The following PIP5K1B variants were observed in gnomAD, a reference collection of about 807,000 sequenced individuals.
PIP5K1B encodes phosphatidylinositol 4-phosphate 5-kinase type-1 beta.
PIP5K1B carries 42 observed loss-of-function variants against 67.0 expected under a neutral mutation model. The ratio of observed to expected loss-of-function variants is 0.63; its 90% CI spans 0.49 to 0.81. The LOEUF (loss-of-function observed/expected upper bound fraction) is 0.81. Ranked by LOEUF, PIP5K1B falls within the 30% of genes least tolerant of loss-of-function variation. The pLI, the probability that PIP5K1B is intolerant of heterozygous loss-of-function variation, is 0.00. For missense variants in PIP5K1B, 459 were observed against 646.3 expected (o/e 0.71, Z 3.14); for synonymous variants, 214 against 231.4 (o/e 0.92, Z 0.68).
At chr9:68,770,612 G>A (rs1212241316) in intron 2 of PIP5K1B, among the ~76,000 whole-genome samples, 3 of 152,144 alleles carry the variant, frequency 2.0e-5, no homozygotes, top group Non-Finnish European at 4.4e-5. Flanking sequence ...CCTGAGCCCC[G>A]CCTCCTGTTG....
intron 2 of PIP5K1B, among the ~76,000 whole-genome samples, chr9:68,748,678 A>G (rs1039863067): frequency 3.6e-5 from 5 of 138,566 alleles, no homozygotes; most frequent in Admixed American, 8.0e-5. Context: ...CTGGACTGCA[A>G]TGGCACCATC....
In PIP5K1B at chr9:68,780,389, C is replaced by G. The variant is rs35278692; in HGVS notation, c.-86+37732C>G. ...GCCGCCACGGCCTGCTGCTGCCGGC[C>G]TCCCCTGTCCGCATGCACAGCAGCC... On this transcript the variant is annotated intron_variant, in intron 2 of 15. Coordinates refer to ENST00000265382, the MANE Select transcript of PIP5K1B (RefSeq NM_003558.4). 3,537 of 1,613,704 alleles carry G rather than the reference C, an allele frequency of 2.2e-3. 73 individuals carry two copies. The African/African-American group carries it at 0.042, about 19-fold the overall frequency.
At chr9:68,839,132 G>A (rs972160927) in intron 4 of PIP5K1B, among the ~76,000 whole-genome samples, 3 of 152,148 alleles carry the variant, frequency 2.0e-5, no homozygotes, top group African/African-American at 7.2e-5. Context: ...TTGGCAGAGG[G>A]GAAAAAGCTT....
chr9:68,795,125 C>T (rs895138211), intron 2 of PIP5K1B, among the ~76,000 whole-genome samples: 1 of 152,192 alleles, frequency 6.6e-6, no homozygotes, highest in Admixed American at 6.5e-5. Flanking sequence ...TACCTTCTGC[C>T]TGTACTCCTT....
intron 12 of PIP5K1B, among the ~76,000 whole-genome samples, chr9:68,926,580 T>C (rs575956738): frequency 1.5e-3 from 235 of 152,276 alleles, no homozygotes; most frequent in Non-Finnish European, 2.2e-3. Context: ...TTTATTTATT[T>C]ATTTATTTTG....
intron 15 of PIP5K1B, among the ~76,000 whole-genome samples, chr9:68,997,155 G>A (rs1343385408): frequency 1.3e-5 from 2 of 152,174 alleles, no homozygotes; most frequent in Non-Finnish European, 2.9e-5. Flanking sequence ...GCAGAGAAGT[G>A]AAAATGATTG....
At chr9:68,875,286 G>A (rs1823824855) in intron 5 of PIP5K1B, among the ~76,000 whole-genome samples, 1 of 91,234 alleles carries the variant, frequency 1.1e-5, no homozygotes, top group Non-Finnish European at 1.9e-5. Context: ...TCCATCCTCT[G>A]GTACTCAGCA....
intron 4 of PIP5K1B, among the ~76,000 whole-genome samples, chr9:68,860,260 A>G (rs1445690247): frequency 6.6e-6 from 1 of 151,640 alleles, no homozygotes; most frequent in Non-Finnish European, 1.5e-5. Context: ...TTTAGATTCC[A>G]TATATAAGAT....
chr9:68,819,022 G>A, intron 3 of PIP5K1B, among the ~76,000 whole-genome samples: 1 of 151,922 alleles, frequency 6.6e-6, no homozygotes, highest in East Asian at 1.9e-4. Context: ...ATGTCTCGCT[G>A]TGTCTTTCAG....
intron 8 of PIP5K1B, among the ~76,000 whole-genome samples, chr9:68,914,707 TC>T (rs1826015353): frequency 6.6e-6 from 1 of 150,940 alleles, no homozygotes; most frequent in Admixed American, 6.6e-5. Context: ...AGAGCAAGAC[TC>T]CATCTCAATA....
chr9:68,781,107 T>C, intron 2 of PIP5K1B: 1 of 1,499,486 alleles, frequency 6.7e-7, no homozygotes, highest in Admixed American at 2.2e-5. Flanking sequence ...CTTTGTCAAT[T>C]AATTTGAGGC....
chr9:68,888,945 G>A (rs759456209), intron 6 of PIP5K1B, 36 bp from the exon 7 acceptor site: 1 of 1,447,316 alleles, frequency 6.9e-7, no homozygotes, highest in Admixed American at 1.7e-5. Flanking sequence ...CGTACATCAA[G>A]TATATGTTTT....
At chr9:68,847,124 A>C (rs1157035115) in intron 4 of PIP5K1B, among the ~76,000 whole-genome samples, 1 of 152,166 alleles carries the variant, frequency 6.6e-6, no homozygotes, top group African/African-American at 2.4e-5. Context: ...AATTAACTGC[A>C]GAATAGTGAC....
At chr9:68,935,238 G>A (rs1434384687) in intron 13 of PIP5K1B, among the ~76,000 whole-genome samples, 193 bp downstream of exon 13, 1 of 152,190 alleles carries the variant, frequency 6.6e-6, no homozygotes, top group East Asian at 1.9e-4. Context: ...AGGCCTAGGT[G>A]GGTGGATCAC....
intron 1 of PIP5K1B, chr9:68,742,190 T>C (rs1000539944): frequency 2.0e-5 from 3 of 152,198 alleles, no homozygotes; most frequent in African/African-American, 7.2e-5. Context: ...TCACTAGATG[T>C]ACTATAAGGT....
intron 2 of PIP5K1B, chr9:68,784,330 T>C (rs1350355959): frequency 1.2e-5 from 2 of 167,070 alleles, no homozygotes; most frequent in Non-Finnish European, 2.9e-5. Flanking sequence ...TAAAGTACAG[T>C]TTGTCATACT....
Position 68,742,633 on chromosome 9 carries a change from G to C in PIP5K1B, c.-110G>C, listed in dbSNP as rs1829068760. ...TTTCTCTTCCTGCTTCATCTCTAAAGGTCCTTCTAGGAGAGAGGTGAAAGG... is the reference window on the plus strand; with the variant it reads ...TTTCTCTTCCTGCTTCATCTCTAAACGTCCTTCTAGGAGAGAGGTGAAAGG... On this transcript the variant is annotated 5_prime_UTR_variant, in exon 2 of 16. Transcript: ENST00000265382. 1 of 152,172 alleles carries C rather than the reference G, an allele frequency of 6.6e-6. No individual in the cohort carries two copies. The highest frequency in any genetic ancestry group is 2.1e-4 in the South Asian group (1 of 4,828). 9.4% of individuals were successfully genotyped at this position (152,172 alleles called of 1,614,324 possible).
intron 4 of PIP5K1B, among the ~76,000 whole-genome samples, chr9:68,833,603 G>A (rs1308350286): frequency 6.6e-6 from 1 of 151,266 alleles, no homozygotes. Context: ...AGCCCCAAGT[G>A]TCAATAGTGC....
intron 14 of PIP5K1B, among the ~76,000 whole-genome samples, chr9:68,948,379 C>T (rs1297187917): frequency 6.6e-6 from 1 of 152,140 alleles, no homozygotes; most frequent in Non-Finnish European, 1.5e-5. Context: ...TGCCTCTAAT[C>T]CCAGCACTGT....
Sources: allele counts gnomAD v4.1 joint callset (sites outside exome capture counted in the v4.1 genomes callset), GRCh38; gene constraint gnomAD v4.1.1; transcripts MANE v1.5; gene names NCBI Gene and HGNC (gene_info 2026-07-23, HGNC 2026-07-21).